The following SCG5 variants were observed in gnomAD, a reference collection of about 807,000 sequenced individuals.
The protein encoded by SCG5 is secretogranin V.
Under a neutral mutation model 25.7 loss-of-function variants are expected in SCG5, and 18 were observed. The ratio of observed to expected loss-of-function variants is 0.70; its 90% CI spans 0.48 to 1.04. The LOEUF (loss-of-function observed/expected upper bound fraction) is 1.04. Ranked by LOEUF, SCG5 falls within the 50% of genes least tolerant of loss-of-function variation. The pLI is 0.00. For missense variants in SCG5, 206 were observed against 259.8 expected, an observed-to-expected ratio of 0.79 and a Z score of 1.42; for synonymous variants, 101 against 91.7, an observed-to-expected ratio of 1.10 and a Z score of -0.58.
chr15:32,687,947 A>G (rs2054749605), intron 4 of SCG5, among the ~76,000 whole-genome samples: 1 of 152,208 alleles, frequency 6.6e-6, no homozygotes. Context: ...TATTGACCAC[A>G]TACTATATGC....
intron 2 of SCG5, among the ~76,000 whole-genome samples, chr15:32,658,828 A>G (rs377489269): frequency 1.5e-3 from 224 of 152,292 alleles, no homozygotes; most frequent in African/African-American, 5.1e-3. Flanking sequence ...CACCAACACC[A>G]CGGGGATCTC....
At chr15:32,684,483 G>A (rs1317471793) in intron 3 of SCG5, 74 bp from the exon 4 acceptor site, 5 of 947,720 alleles carry the variant, frequency 5.3e-6, no homozygotes, top group East Asian at 2.6e-5. Context: ...CTGCCTAGTT[G>A]TTTTTGATAA....
intron 2 of SCG5, among the ~76,000 whole-genome samples, chr15:32,672,008 G>C (rs1437077308): frequency 6.6e-6 from 1 of 152,226 alleles, no homozygotes; most frequent in Non-Finnish European, 1.5e-5. Context: ...GAGGCCAGGC[G>C]GTGTCTGGAA....
intron 2 of SCG5, among the ~76,000 whole-genome samples, chr15:32,663,238 T>G (rs2054268687): frequency 6.6e-6 from 1 of 151,682 alleles, no homozygotes; most frequent in Non-Finnish European, 1.5e-5. Context: ...CACATAGTAG[T>G]ATCAATTTTA....
chr15:32,669,468 T>G (rs1407857643), intron 2 of SCG5, among the ~76,000 whole-genome samples: 1 of 152,168 alleles, frequency 6.6e-6, no homozygotes, highest in Admixed American at 6.5e-5. Flanking sequence ...TACCTCAACT[T>G]AAGCTCCACT....
At chr15:32,671,706 A>G (rs1193171215) in intron 2 of SCG5, among the ~76,000 whole-genome samples, 4 of 151,936 alleles carry the variant, frequency 2.6e-5, no homozygotes, top group East Asian at 1.9e-4. Context: ...AGTGAAAAAA[A>G]AAAAAGAAAA....
intron 2 of SCG5, among the ~76,000 whole-genome samples, chr15:32,659,784 T>C (rs1293546376): frequency 6.6e-6 from 1 of 152,172 alleles, no homozygotes; most frequent in African/African-American, 2.4e-5. Context: ...TGGATGGGCC[T>C]GCTGGGAAGA....
intron 2 of SCG5, among the ~76,000 whole-genome samples, chr15:32,663,032 A>AGT (rs2054249437): frequency 1.3e-5 from 1 of 79,294 alleles, no homozygotes; most frequent in South Asian, 5.1e-4. Flanking sequence ...AAAAAAAAAG[A>AGT]ATATATATAT....
At chr15:32,686,470 A>C (rs1319066743) in intron 4 of SCG5, among the ~76,000 whole-genome samples, 1 of 152,220 alleles carries the variant, frequency 6.6e-6, no homozygotes, top group African/African-American at 2.4e-5. Context: ...TACGGAATAA[A>C]TATAACATGA....
intron 2 of SCG5, among the ~76,000 whole-genome samples, chr15:32,672,027 C>T (rs2054434758): frequency 6.6e-6 from 1 of 152,260 alleles, no homozygotes; most frequent in African/African-American, 2.4e-5. Flanking sequence ...AATGCCCCAT[C>T]CGACTGCTTC....
At chr15:32,648,492 TC>T (rs999293091) in intron 2 of SCG5, among the ~76,000 whole-genome samples, 1 of 152,058 alleles carries the variant, frequency 6.6e-6, no homozygotes, top group African/African-American at 2.4e-5. Context: ...ATTGGTGGCT[TC>T]CCATCGTACC....
At position 32,666,775 on chromosome 15, in the gene SCG5, G is replaced by T. The variant is rs973763528; in HGVS notation, c.227-12991G>T. ...TCCTCATACCAACGGCTTAAGGATG[G>T]TATTACTTAAGTATTCTTGTTTTAC... is the stretch of plus-strand genomic sequence containing the variant. On this transcript the variant is annotated intron_variant, in intron 2 of 5. Transcript: ENST00000300175. Among the ~76,000 whole-genome samples, 7 of 152,178 alleles carry T rather than the reference G, an allele frequency of 4.6e-5. No homozygotes were observed. The East Asian group carries it at 1.3e-3, about 29-fold the overall frequency.
At chr15:32,660,248 GCAGGGAGTGGT>G (rs2054194728) in intron 2 of SCG5, among the ~76,000 whole-genome samples, 1 of 152,144 alleles carries the variant, frequency 6.6e-6, no homozygotes, top group South Asian at 2.1e-4. Flanking sequence ...GTACCTGCAG[GCAGGGAGTGGT>G]CAGCTTGCTC....
rs75242289 is a variant in SCG5 at position 32,680,053 on chromosome 15, G to A, written c.376+138G>A. On this transcript the variant is annotated intron_variant, in intron 3 of 5. Transcript: ENST00000300175. The stretch of plus-strand genomic sequence containing the variant: ...CCCATGTGTATTTGTAAGTAGATGG[G>A]AAGGGGAAATTTATTCTAGAATTTT... The A allele has an allele frequency of 0.053, 41,352 of 774,472 alleles. 1,467 individuals carry two copies. The highest frequency in any genetic ancestry group is 0.068 in the Non-Finnish European group (33,342 of 488,488). 48.0% of individuals were successfully genotyped at this position (774,472 alleles called of 1,614,324 possible). A position where few individuals can be genotyped will look rare whatever the true frequency, so the allele number is the denominator to read the frequency against.
chr15:32,677,171 T>C (rs2054545486), intron 2 of SCG5, among the ~76,000 whole-genome samples: 1 of 152,178 alleles, frequency 6.6e-6, no homozygotes, highest in Non-Finnish European at 1.5e-5. Context: ...AGCAGTGACC[T>C]AGATCTGGGC....
chr15:32,648,788 A>ATTT (rs2140502069), intron 2 of SCG5, among the ~76,000 whole-genome samples: 1 of 150,766 alleles, frequency 6.6e-6, no homozygotes, highest in African/African-American at 2.4e-5. Context: ...TTTTTTAAAA[A>ATTT]AAAAACAGAG....
chr15:32,642,026 AAGATGG>A (rs1421990294), intron 1 of SCG5, among the ~76,000 whole-genome samples: 2 of 152,098 alleles, frequency 1.3e-5, no homozygotes, highest in African/African-American at 2.4e-5. Context: ...GGACAAGGGA[AAGATGG>A]AGATGGAGAG....
intron 5 of SCG5, 144 bp downstream of exon 5, chr15:32,691,907 G>A: frequency 6.7e-7 from 1 of 1,484,818 alleles, no homozygotes; most frequent in Non-Finnish European, 9.0e-7. Context: ...TGTGACAAGG[G>A]CCACACCCAG....
At chr15:32,662,310 A>T (rs1595798687) in intron 2 of SCG5, among the ~76,000 whole-genome samples, 1 of 152,320 alleles carries the variant, frequency 6.6e-6, no homozygotes, top group East Asian at 1.9e-4. Flanking sequence ...TGTTGGACTT[A>T]TATGGCTGTG....
Sources: allele counts gnomAD v4.1 joint callset (sites outside exome capture counted in the v4.1 genomes callset), GRCh38; gene constraint gnomAD v4.1.1; transcripts MANE v1.5; gene names NCBI Gene and HGNC (gene_info 2026-07-23, HGNC 2026-07-21).